The following CSGALNACT1 variants were observed in gnomAD, a reference collection of about 807,000 sequenced individuals.
CSGALNACT1 encodes chondroitin sulfate N-acetylgalactosaminyltransferase 1, also known as beta4GalNAcT-1.
Under a neutral mutation model 51.0 loss-of-function variants are expected in CSGALNACT1, and 52 were observed. The ratio of observed to expected loss-of-function variants is 1.02; its 90% CI spans 0.82 to 1.29. CSGALNACT1 has a LOEUF of 1.29. Ranked by LOEUF, CSGALNACT1 falls within the 50% of genes most tolerant of loss-of-function variation. CSGALNACT1 has a pLI of 0.00. For missense variants in CSGALNACT1, 935 were observed against 679.2 expected, an observed-to-expected ratio of 1.38 and a Z score of -4.19; for synonymous variants, 341 against 254.4, an observed-to-expected ratio of 1.34 and a Z score of -3.24.
intron 3 of CSGALNACT1, among the ~76,000 whole-genome samples, chr8:19,537,510 C>T (rs1224977529): frequency 6.6e-6 from 1 of 152,192 alleles, no homozygotes; most frequent in Non-Finnish European, 1.5e-5. Flanking sequence ...TTGACCACCC[C>T]ACTCAGCATA....
chr8:19,699,967 C>T (rs1018463101), intron 1 of CSGALNACT1, among the ~76,000 whole-genome samples: 3 of 151,934 alleles, frequency 2.0e-5, no homozygotes, highest in Admixed American at 1.3e-4. Context: ...CAAAACTTAG[C>T]TGGGCATGGT....
chr8:19,466,564 T>C (rs181939021), intron 4 of CSGALNACT1, among the ~76,000 whole-genome samples: 9 of 152,360 alleles, frequency 5.9e-5, no homozygotes, highest in East Asian at 1.9e-4. Flanking sequence ...TCTGCTCAGA[T>C]GGCATATCGC....
intron 6 of CSGALNACT1, among the ~76,000 whole-genome samples, chr8:19,423,451 C>T (rs890633012): frequency 1.4e-4 from 22 of 152,076 alleles, no homozygotes; most frequent in Non-Finnish European, 2.9e-5. Flanking sequence ...GCATGCTTAC[C>T]TAATGCACAA....
intron 1 of CSGALNACT1, among the ~76,000 whole-genome samples, chr8:19,635,477 A>G (rs1172018448): frequency 6.6e-6 from 1 of 152,164 alleles, no homozygotes; most frequent in Non-Finnish European, 1.5e-5. Flanking sequence ...TACATGTGGC[A>G]TCTGTTAGTG....
chr8:19,583,333 C>A (rs920423502), intron 3 of CSGALNACT1, among the ~76,000 whole-genome samples: 3 of 152,114 alleles, frequency 2.0e-5, no homozygotes, highest in African/African-American at 4.8e-5. Flanking sequence ...TCTCTAGTAT[C>A]TTTTCATTTC....
chr8:19,559,078 A>T (rs944174283), intron 3 of CSGALNACT1, among the ~76,000 whole-genome samples: 10 of 152,160 alleles, frequency 6.6e-5, no homozygotes, highest in Admixed American at 3.9e-4. Context: ...TTCCTCAGGG[A>T]ACTTCAGAAT....
chr8:19,748,137 GA>G (rs1408676998), intron 1 of CSGALNACT1, among the ~76,000 whole-genome samples: 1 of 152,230 alleles, frequency 6.6e-6, no homozygotes, highest in Admixed American at 6.5e-5. Context: ...GGAGGTCCAA[GA>G]AGATGTATTT....
At chr8:19,631,281 T>C (rs1346827010) in intron 1 of CSGALNACT1, among the ~76,000 whole-genome samples, 3 of 152,090 alleles carry the variant, frequency 2.0e-5, no homozygotes, top group Non-Finnish European at 4.4e-5. Flanking sequence ...ACTGCCAAAC[T>C]GTCTTCCCAA....
intron 1 of CSGALNACT1, among the ~76,000 whole-genome samples, chr8:19,672,936 A>G (rs774367626): frequency 2.6e-5 from 4 of 152,252 alleles, no homozygotes; most frequent in East Asian, 1.9e-4. Flanking sequence ...TGTTTAGCCA[A>G]TGGAAACCTC....
intron 4 of CSGALNACT1, among the ~76,000 whole-genome samples, chr8:19,468,985 A>G (rs1357221672): frequency 1.3e-5 from 2 of 152,180 alleles, no homozygotes; most frequent in Admixed American, 1.3e-4. Context: ...TCCCAATGAC[A>G]GAAGCACTCA....
At chr8:19,723,249 G>T (rs953907271) in intron 1 of CSGALNACT1, among the ~76,000 whole-genome samples, 5 of 152,122 alleles carry the variant, frequency 3.3e-5, no homozygotes, top group Non-Finnish European at 5.9e-5. Context: ...TATATTTGGG[G>T]TATACACCCA....
At position 19,458,574 on chromosome 8, in the gene CSGALNACT1, C is replaced by A; in HGVS notation, c.703G>T (p.Glu235Ter). ...CGAAATAAGATGAGCCGTTTGAATT[C>A]GTGTTTGTGGTCCCCTTTGAAGGTG... The change falls in exon 5 of 10, where the codon GAA (glutamate) becomes TAA (stop). Residue 235 changes from glutamate to a stop codon, truncating the protein, a stop_gained. Transcript: ENST00000454498. LOFTEE classifies it high-confidence loss of function. 1 of 1,614,134 alleles carries A rather than the reference C, an allele frequency of 6.2e-7. No homozygotes were observed. The highest frequency in any genetic ancestry group is 1.6e-4 in the Middle Eastern group (1 of 6,062).
chr8:19,544,239 T>C (rs917352114), intron 3 of CSGALNACT1, among the ~76,000 whole-genome samples: 18 of 152,326 alleles, frequency 1.2e-4, no homozygotes, highest in Middle Eastern at 6.8e-3. Context: ...AGCAGACAGC[T>C]GGAATATGTG....
upstream of CSGALNACT1, among the ~76,000 whole-genome samples, chr8:19,605,343 T>G (rs2051218078): frequency 6.6e-6 from 1 of 152,018 alleles, no homozygotes; most frequent in Non-Finnish European, 1.5e-5. Flanking sequence ...GACTGAGGCA[T>G]GAGAATGACT....
chr8:19,642,458 A>G (rs1229267125), intron 1 of CSGALNACT1, among the ~76,000 whole-genome samples: 9 of 152,164 alleles, frequency 5.9e-5, no homozygotes, highest in Admixed American at 5.9e-4. Flanking sequence ...ACATTAATAC[A>G]TGATGAAGTG....
At chr8:19,635,754 G>A (rs960589953) in intron 1 of CSGALNACT1, among the ~76,000 whole-genome samples, 1 of 152,150 alleles carries the variant, frequency 6.6e-6, no homozygotes, top group Non-Finnish European at 1.5e-5. Context: ...TTGAGACGGA[G>A]TCTTGCTCTG....
At chr8:19,576,343 C>T (rs1482775119) in intron 3 of CSGALNACT1, among the ~76,000 whole-genome samples, 2 of 152,002 alleles carry the variant, frequency 1.3e-5, no homozygotes, top group African/African-American at 4.8e-5. Flanking sequence ...TACAGGCACA[C>T]CTTCACACCT....
At chr8:19,437,647 C>CAGGTAT (rs1230899701) in intron 6 of CSGALNACT1, among the ~76,000 whole-genome samples, 1 of 152,148 alleles carries the variant, frequency 6.6e-6, no homozygotes, top group South Asian at 2.1e-4. Flanking sequence ...ACTAGTCAAC[C>CAGGTAT]AGGTATAGGT....
intron 1 of CSGALNACT1, among the ~76,000 whole-genome samples, chr8:19,636,170 A>G (rs2036152503): frequency 6.6e-6 from 1 of 152,208 alleles, no homozygotes; most frequent in South Asian, 2.1e-4. Context: ...AGGCGAGTAC[A>G]ATACAATAAG....
Sources: gnomAD v4.1 joint callset for allele counts (sites outside exome capture counted in the v4.1 genomes callset) on GRCh38, gnomAD v4.1.1 for gene constraint, MANE v1.5 for transcripts, NCBI Gene and HGNC (gene_info 2026-07-23, HGNC 2026-07-21) for gene names.